CDH12: variants seen among roughly 807,000 people sequenced by gnomAD.
The protein encoded by CDH12 is cadherin 12.
A neutral mutation model predicts 74.1 loss-of-function variants in CDH12; 41 were observed. The observed-to-expected ratio is 0.55, with a 90% CI of 0.43 to 0.72. The LOEUF is 0.72. CDH12 is among the 30% of genes least tolerant of loss of function. The pLI, the probability that CDH12 is intolerant of heterozygous loss-of-function variation, is 0.00. For missense variants in CDH12, 945 were observed against 977.2 expected (o/e 0.97, Z 0.44); for synonymous variants, 399 against 355.0 (o/e 1.12, Z -1.39).
chr5:21,970,446 CTT>C (rs904226191), intron 6 of CDH12, among the ~76,000 whole-genome samples: 20 of 151,984 alleles, frequency 1.3e-4, no homozygotes, highest in African/African-American at 4.6e-4. Flanking sequence ...AGTGTGGAGA[CTT>C]ATATATGTTT....
intron 1 of CDH12, among the ~76,000 whole-genome samples, chr5:22,647,414 A>T (rs1739501693): frequency 6.6e-6 from 1 of 151,824 alleles, no homozygotes; most frequent in African/African-American, 2.4e-5. Context: ...TTGGTATGCC[A>T]TAACAAAATA....
chr5:22,234,410 T>C (rs887750022), intron 3 of CDH12, among the ~76,000 whole-genome samples: 2 of 152,154 alleles, frequency 1.3e-5, no homozygotes, highest in Non-Finnish European at 2.9e-5. Context: ...CTGATGGTTG[T>C]ATCAGGGATT....
intron 1 of CDH12, among the ~76,000 whole-genome samples, chr5:22,669,761 C>G (rs1045450620): frequency 2.6e-5 from 4 of 152,224 alleles, no homozygotes; most frequent in Non-Finnish European, 1.5e-5. Context: ...TCACCACACA[C>G]TTCCAAATTT....
intron 2 of CDH12, among the ~76,000 whole-genome samples, chr5:22,491,328 C>T (rs1035169998): frequency 6.6e-6 from 1 of 152,078 alleles, no homozygotes; most frequent in African/African-American, 2.4e-5. Context: ...CACATGGTTG[C>T]AACTGGAGGC....
intron 2 of CDH12, among the ~76,000 whole-genome samples, chr5:22,406,857 T>C (rs1742962087): frequency 1.3e-5 from 2 of 152,138 alleles, no homozygotes; most frequent in Non-Finnish European, 2.9e-5. Flanking sequence ...TCCAAACTTG[T>C]AATTAACTAA....
intron 6 of CDH12, among the ~76,000 whole-genome samples, chr5:21,874,088 T>C (rs570635246): frequency 2.0e-5 from 3 of 152,330 alleles, no homozygotes; most frequent in Non-Finnish European, 4.4e-5. Context: ...ATCTTTGTAA[T>C]AGAATGATTT....
chr5:22,800,898 A>G (rs1422550964), intron 1 of CDH12, among the ~76,000 whole-genome samples: 1 of 152,102 alleles, frequency 6.6e-6, no homozygotes, highest in Non-Finnish European at 1.5e-5. Flanking sequence ...AGCATTGAAT[A>G]CTATTCCATT....
chr5:22,044,956 C>A (rs1739831556), intron 5 of CDH12, among the ~76,000 whole-genome samples: 1 of 152,042 alleles, frequency 6.6e-6, no homozygotes, highest in Non-Finnish European at 1.5e-5. Flanking sequence ...GGATTAAAAG[C>A]TTCTATACAG....
intron 1 of CDH12, among the ~76,000 whole-genome samples, chr5:22,730,890 G>A (rs901169898): frequency 6.6e-6 from 1 of 151,710 alleles, no homozygotes; most frequent in Non-Finnish European, 1.5e-5. Context: ...TAAAACAGAA[G>A]AAATAGCAAC....
intron 2 of CDH12, among the ~76,000 whole-genome samples, chr5:22,459,606 T>C (rs1405362438): frequency 6.6e-6 from 1 of 152,092 alleles, no homozygotes; most frequent in Non-Finnish European, 1.5e-5. Context: ...GCAGTATATA[T>C]AGAGAAAACC....
chr5:22,036,909 AT>A (rs1391704751), intron 5 of CDH12, among the ~76,000 whole-genome samples: 1 of 152,202 alleles, frequency 6.6e-6, no homozygotes. Context: ...TTTATTTTTG[AT>A]TACTTAGAAA....
At chr5:22,262,544 T>C in intron 3 of CDH12, among the ~76,000 whole-genome samples, 1 of 151,324 alleles carries the variant, frequency 6.6e-6, no homozygotes, top group East Asian at 1.9e-4. Flanking sequence ...GTTCCAAGTC[T>C]TTGCTATTGT....
At chr5:22,695,007 C>T (rs577221689) in intron 1 of CDH12, among the ~76,000 whole-genome samples, 63 of 152,064 alleles carry the variant, frequency 4.1e-4, no homozygotes, top group Admixed American at 1.1e-3. Flanking sequence ...AACCCACCGA[C>T]GGTCCTGGTG....
intron 6 of CDH12, among the ~76,000 whole-genome samples, chr5:21,880,612 C>CTTCCTTCCTTCTTTCTTTCTTTCT (rs1752251118): frequency 2.9e-5 from 2 of 69,872 alleles, no homozygotes; most frequent in African/African-American, 6.6e-5. Flanking sequence ...TCCTTCCTTC[C>CTTCCTTCCTTCTTTCTTTCTTTCT]TTCCTTCTTT....
chr5:21,900,472 T>A (rs908861330), intron 6 of CDH12, among the ~76,000 whole-genome samples: 1 of 152,222 alleles, frequency 6.6e-6, no homozygotes, highest in Non-Finnish European at 1.5e-5. Context: ...TATATCATGT[T>A]ATATTAGCTA....
chr5:22,773,176 A>G (rs1431465427), intron 1 of CDH12, among the ~76,000 whole-genome samples: 1 of 152,152 alleles, frequency 6.6e-6, no homozygotes, highest in East Asian at 1.9e-4. Context: ...ATAGAATCAA[A>G]AAAGAGCCTG....
chr5:22,456,628 C>T (rs549557091), intron 2 of CDH12, among the ~76,000 whole-genome samples: 1 of 119,054 alleles, frequency 8.4e-6, no homozygotes, highest in Non-Finnish European at 1.8e-5. Context: ...ATCTGAAAGT[C>T]TTTGAATGGA....
At chr5:22,519,691 T>G (rs1234381994) in intron 1 of CDH12, among the ~76,000 whole-genome samples, 1 of 152,078 alleles carries the variant, frequency 6.6e-6, no homozygotes. Context: ...ATTATGGTAG[T>G]TGGGAACTTT....
intron 3 of CDH12, among the ~76,000 whole-genome samples, chr5:22,375,545 T>A (rs1741483704): frequency 6.6e-6 from 1 of 152,076 alleles, no homozygotes; most frequent in Admixed American, 6.6e-5. Flanking sequence ...AAACTATTCA[T>A]CTGACAAAGG....
Sources: gnomAD v4.1 joint callset for allele counts (sites outside exome capture counted in the v4.1 genomes callset) on GRCh38, gnomAD v4.1.1 for gene constraint, MANE v1.5 for transcripts, NCBI Gene and HGNC (gene_info 2026-07-23, HGNC 2026-07-21) for gene names.